Variants in SMYD3 observed in about 807,000 individuals in gnomAD.
The protein encoded by SMYD3 is SET and MYND domain containing 3.
SMYD3 carries 36 observed loss-of-function variants against 57.7 expected under a neutral mutation model. The observed-to-expected ratio is 0.62, with a 90% CI of 0.48 to 0.82. The LOEUF (loss-of-function observed/expected upper bound fraction) is 0.82. Ranked by LOEUF, SMYD3 falls within the 40% of genes least tolerant of loss-of-function variation. The pLI, the probability that SMYD3 is intolerant of heterozygous loss-of-function variation, is 0.00. For missense variants in SMYD3, 515 were observed against 538.8 expected (o/e 0.96, Z 0.44); for synonymous variants, 211 against 195.0 (o/e 1.08, Z -0.68).
chr1:245,917,134 A>G (rs543767890), intron 7 of SMYD3, among the ~76,000 whole-genome samples: 9 of 151,694 alleles, frequency 5.9e-5, no homozygotes, highest in Non-Finnish European at 1.2e-4. Context: ...GGTTTGGGTG[A>G]TCCTCCCACC....
intron 4 of SMYD3, among the ~76,000 whole-genome samples, chr1:246,328,611 ATTTC>A (rs2065397873): frequency 2.0e-5 from 3 of 148,536 alleles, no homozygotes; most frequent in Admixed American, 6.7e-5. Context: ...TAACCCAATG[ATTTC>A]TTTTTTTTTC....
chr1:246,052,680 CT>C (rs1298411378), intron 5 of SMYD3: 1 of 152,194 alleles, frequency 6.6e-6, no homozygotes, highest in Non-Finnish European at 1.5e-5. Context: ...AATGTGTTAT[CT>C]TGACTACTAG....
intron 5 of SMYD3, among the ~76,000 whole-genome samples, chr1:246,308,787 C>A (rs1409058630): frequency 6.6e-6 from 1 of 152,116 alleles, no homozygotes; most frequent in Non-Finnish European, 1.5e-5. Context: ...ATTCTGCTGT[C>A]ACTCAAAAAT....
At chr1:246,296,052 C>G (rs2064788037) in intron 5 of SMYD3, among the ~76,000 whole-genome samples, 1 of 152,174 alleles carries the variant, frequency 6.6e-6, no homozygotes, top group South Asian at 2.1e-4. Flanking sequence ...TTGCTGCTTT[C>G]ATCTAGAAAA....
chr1:245,955,639 T>C (rs1408914449), intron 5 of SMYD3, among the ~76,000 whole-genome samples: 1 of 152,164 alleles, frequency 6.6e-6, no homozygotes, highest in Non-Finnish European at 1.5e-5. Flanking sequence ...ATTATTGTTG[T>C]TAATCTACTG....
chr1:245,910,858 G>T (rs940661830), intron 8 of SMYD3, among the ~76,000 whole-genome samples: 5 of 151,878 alleles, frequency 3.3e-5, no homozygotes, highest in Admixed American at 3.3e-4. Context: ...TATTGAGCAA[G>T]ACCTCAAAAG....
intron 5 of SMYD3, among the ~76,000 whole-genome samples, chr1:246,056,138 T>C (rs992284141): frequency 6.6e-6 from 1 of 152,182 alleles, no homozygotes; most frequent in Admixed American, 6.5e-5. Context: ...TATAAAACTG[T>C]CAAAATTCAT....
At chr1:246,053,430 T>G (rs1250223730) in intron 5 of SMYD3, among the ~76,000 whole-genome samples, 3 of 152,104 alleles carry the variant, frequency 2.0e-5, no homozygotes, top group Non-Finnish European at 4.4e-5. Flanking sequence ...TTTCAAGATT[T>G]ACTAAAAAGC....
At chr1:245,815,749 G>C (rs1295637002) in intron 10 of SMYD3, among the ~76,000 whole-genome samples, 1 of 152,234 alleles carries the variant, frequency 6.6e-6, no homozygotes, top group Admixed American at 6.5e-5. Context: ...CACAGCCACT[G>C]TCTCACTGAA....
chr1:245,969,441 TCTGAGTCAG>T (rs2148020014), intron 5 of SMYD3, among the ~76,000 whole-genome samples: 1 of 152,360 alleles, frequency 6.6e-6, no homozygotes, highest in Non-Finnish European at 1.5e-5. Flanking sequence ...GCCTCGCTTG[TCTGAGTCAG>T]CTGAGTCTCA....
intron 8 of SMYD3, among the ~76,000 whole-genome samples, chr1:245,909,877 G>A (rs914812340): frequency 6.6e-6 from 1 of 152,042 alleles, no homozygotes; most frequent in African/African-American, 2.4e-5. Flanking sequence ...GGGAAAAACT[G>A]AAAGCCCCTC....
chr1:246,125,087 A>AACACAC (rs577581964), intron 5 of SMYD3, among the ~76,000 whole-genome samples: 1 of 142,554 alleles, frequency 7.0e-6, no homozygotes, highest in Non-Finnish European at 1.5e-5. Flanking sequence ...AAAAAAAAAA[A>AACACAC]ACACACACAC....
At chr1:245,848,119 A>G (rs578181564) in intron 10 of SMYD3, among the ~76,000 whole-genome samples, 9 of 132,644 alleles carry the variant, frequency 6.8e-5, no homozygotes, top group African/African-American at 2.5e-4. Flanking sequence ...TTTTTTTTGG[A>G]GACAGGGTCT....
intron 1 of SMYD3, among the ~76,000 whole-genome samples, chr1:246,417,032 GAGAGACTTC>G (rs1558454883): frequency 1.3e-5 from 2 of 152,122 alleles, no homozygotes; most frequent in Non-Finnish European, 2.9e-5. Flanking sequence ...GACATTACCC[GAGAGACTTC>G]AACTGCATAA....
intron 5 of SMYD3, among the ~76,000 whole-genome samples, chr1:246,308,246 A>T (rs1282211061): frequency 3.9e-5 from 6 of 152,114 alleles, no homozygotes; most frequent in Admixed American, 3.9e-4. Flanking sequence ...AGTCTTAATT[A>T]TCCTTATTTC....
At chr1:246,101,776 C>T (rs1003425306) in intron 5 of SMYD3, among the ~76,000 whole-genome samples, 4 of 152,146 alleles carry the variant, frequency 2.6e-5, no homozygotes, top group Admixed American at 6.5e-5. Flanking sequence ...TCACTCTTCC[C>T]GGTAGGCAAG....
At chr1:246,258,170 G>T (rs1780792) in intron 5 of SMYD3, among the ~76,000 whole-genome samples, 2 of 152,052 alleles carry the variant, frequency 1.3e-5, no homozygotes, top group Non-Finnish European at 2.9e-5. Flanking sequence ...CCGAGTAGCT[G>T]GGATTACAGG....
intron 1 of SMYD3, among the ~76,000 whole-genome samples, chr1:246,433,096 G>A (rs563490316): frequency 1.3e-5 from 2 of 152,206 alleles, no homozygotes; most frequent in African/African-American, 4.8e-5. Context: ...AAAGACTCCT[G>A]GAACTGATAA....
chr1:245,904,019 C>T (rs529535848), intron 8 of SMYD3, among the ~76,000 whole-genome samples: 7 of 152,312 alleles, frequency 4.6e-5, no homozygotes, highest in East Asian at 1.9e-4. Context: ...AATTTCTCCC[C>T]AGAATATGGG....
Sources: allele counts gnomAD v4.1 joint callset (sites outside exome capture counted in the v4.1 genomes callset), GRCh38; gene constraint gnomAD v4.1.1; transcripts MANE v1.5; gene names NCBI Gene and HGNC (gene_info 2026-07-23, HGNC 2026-07-21).